The following PHYH variants were observed in gnomAD, a reference collection of about 807,000 sequenced individuals.
PHYH encodes phytanoyl-CoA dioxygenase, peroxisomal.
Under a neutral mutation model 38.5 loss-of-function variants are expected in PHYH, and 32 were observed. The observed-to-expected ratio is 0.83, with a 90% CI of 0.63 to 1.12. PHYH has a LOEUF of 1.12. Among genes scored for constraint, PHYH ranks in the 50% most tolerant of loss-of-function variants. The pLI, the probability that PHYH is intolerant of heterozygous loss-of-function variation, is 0.00. For missense variants in PHYH, 426 were observed against 434.8 expected (o/e 0.98, Z 0.18); for synonymous variants, 166 against 157.9 (o/e 1.05, Z -0.38).
At chr10:13,279,692 T>G (rs1835368412) in intron 8 of PHYH, among the ~76,000 whole-genome samples, 1 of 152,242 alleles carries the variant, frequency 6.6e-6, no homozygotes, top group Admixed American at 6.5e-5. Context: ...GAGGTTAATA[T>G]TGTTATTCTA....
At chr10:13,299,943 G>A (rs1160216084) in intron 1 of PHYH, 25 bp downstream of exon 1, 5 of 1,511,006 alleles carry the variant, frequency 3.3e-6, no homozygotes, top group Non-Finnish European at 4.4e-6. Context: ...GATCCAGCCC[G>A]AGCCCCGCGC....
chr10:13,297,369 A>G (rs1047178597), intron 2 of PHYH, among the ~76,000 whole-genome samples: 2 of 152,224 alleles, frequency 1.3e-5, no homozygotes, highest in African/African-American at 4.8e-5. Flanking sequence ...AGGAAGGTCA[A>G]GATCTTCCCC....
At chr10:13,298,329 GGCTGAGGCAGGAGGATTACTTGA>G (rs1832631785) in intron 1 of PHYH, 84 bp from the exon 2 acceptor site, 1 of 818,454 alleles carries the variant, frequency 1.2e-6, no homozygotes. Flanking sequence ...CACTTTGGGA[GGCTGAGGCAGGAGGATTACTTGA>G]GCTCAGGAGT....
chr10:13,282,587 A>G (rs1195781636), intron 7 of PHYH, among the ~76,000 whole-genome samples: 2 of 90,928 alleles, frequency 2.2e-5, no homozygotes, highest in African/African-American at 1.2e-4. Flanking sequence ...GTGAGACTCC[A>G]CCTCAAAAAA....
In PHYH at chr10:13,291,844, T is replaced by G. The variant is rs560532343; in HGVS notation, c.483A>C (p.Lys161Asn). 3 of 1,607,366 alleles carry G rather than the reference T, an allele frequency of 1.9e-6. No individual in the cohort carries two copies. The highest frequency in any genetic ancestry group is 1.7e-6 in the Non-Finnish European group (2 of 1,174,824). Residue 161 changes from lysine to asparagine, a missense_variant, in exon 5 of 9, where the codon AAA becomes AAC. Coordinates refer to ENST00000263038, the MANE Select transcript of PHYH (RefSeq NM_006214.4). ...IMAMHTMLIN[K>N]PPDSGKKTSR... ...CCTTACAATTACCAGAATCTGGAGG[T>G]TTGTTTATCAACATTGTGTGCATGG...
At chr10:13,287,946 G>A (rs1208705216) in intron 6 of PHYH, among the ~76,000 whole-genome samples, 1 of 152,148 alleles carries the variant, frequency 6.6e-6, no homozygotes. Flanking sequence ...TAGGGAGGCC[G>A]AGGTGAACAG....
rs113536899 is a variant in PHYH, at chr10:13,298,580, A to G, written c.76-335T>C. Among the ~76,000 whole-genome samples the G allele has an allele frequency of 2.2e-3, 338 of 152,144 alleles. 2 individuals carry two copies. The highest frequency in any genetic ancestry group is 7.5e-3 in the African/African-American group (310 of 41,502). ...GCCAGGCGTGGTGGCGTTCATTTGT[A>G]ATCCCAGCTACTGGAGAGGCTAAGA... On this transcript the variant is annotated intron_variant, in intron 1 of 8. Transcript: ENST00000263038.
chr10:13,289,235 G>C (rs1282906974), intron 5 of PHYH, among the ~76,000 whole-genome samples: 2 of 152,224 alleles, frequency 1.3e-5, no homozygotes, highest in Non-Finnish European at 2.9e-5. Context: ...TTGTTCTGCT[G>C]CCCAGGCTGG....
At position 13,288,369 on chromosome 10, in the gene PHYH, G is replaced by C. The variant is rs762562680; in HGVS notation, c.669C>G (p.Pro223=). 11 of 1,613,578 alleles carry C rather than the reference G, an allele frequency of 6.8e-6. No homozygotes were observed. The highest frequency in any genetic ancestry group is 1.3e-5 in the African/African-American group (1 of 74,924). Residue 223 remains proline, a synonymous_variant, in exon 6 of 9, where the codon CCC becomes CCG. Transcript: ENST00000263038. The part of the protein sequence containing the change: ...HKGSLKPHDY[P]KWEGGVNKMF... Reference sequence around the variant, plus strand: ...CGCCGGGCAGACCTACCTCCCACTTGGGGTAATCGTGGGGCTTCAGGGAGC... The same window carrying C: ...CGCCGGGCAGACCTACCTCCCACTTCGGGTAATCGTGGGGCTTCAGGGAGC...
At chr10:13,297,222 G>A (rs1364798389) in intron 2 of PHYH, among the ~76,000 whole-genome samples, 2 of 152,002 alleles carry the variant, frequency 1.3e-5, no homozygotes, top group African/African-American at 4.8e-5. Context: ...TCAATAAATT[G>A]TATATTTTTA....
chr10:13,300,046 TGCGGC>T lies in PHYH; in HGVS notation c.-9_-5del, dbSNP rs1427654916. On this transcript the variant is annotated 5_prime_UTR_variant, in exon 1 of 9. Transcript: ENST00000263038. ...CGGCGGCGCGAAGCTGCTCCATGGCTGCGGCGCGGGGAACCCCCACCCCTCCCGGC... is the reference window on the plus strand; with the variant it reads ...CGGCGGCGCGAAGCTGCTCCATGGCTGCGGGGAACCCCCACCCCTCCCGGC... The T allele has an allele frequency of 6.5e-7, 1 of 1,530,288 alleles. No homozygotes were observed. Among genetic ancestry groups the T allele is most frequent in the Non-Finnish European group, 8.7e-7 (1 of 1,143,892 alleles). 94.8% of individuals were successfully genotyped at this position (1,530,288 alleles called of 1,614,324 possible).
chr10:13,279,851 T>A (rs1195119062), intron 8 of PHYH, among the ~76,000 whole-genome samples: 1 of 152,182 alleles, frequency 6.6e-6, no homozygotes, highest in East Asian at 1.9e-4. Flanking sequence ...TGTATAGGCA[T>A]TTTAGGTACT....
intron 1 of PHYH, 121 bp from the exon 2 acceptor site, chr10:13,298,366 A>C: frequency 1.5e-6 from 1 of 656,638 alleles, no homozygotes; most frequent in Non-Finnish European, 2.8e-6. Context: ...CAGGAGTTCG[A>C]GACCAGCCTG....
intron 1 of PHYH, chr10:13,299,744 C>G: frequency 7.6e-7 from 1 of 1,308,330 alleles, no homozygotes; most frequent in Non-Finnish European, 9.7e-7. Flanking sequence ...GCGGCAATTG[C>G]CCCGACCCCA....
chr10:13,287,695 G>A (rs1207452724), intron 6 of PHYH, among the ~76,000 whole-genome samples: 1 of 152,154 alleles, frequency 6.6e-6, no homozygotes, highest in Non-Finnish European at 1.5e-5. Context: ...TCCTTTGCTG[G>A]TCTCTGCAGT....
rs1416236122 is a variant in PHYH, at chr10:13,288,531, C to T, written c.507G>A (p.Thr169=). 2.5e-6 allele frequency: 4 copies of T among 1,614,044 alleles called. No individual in the cohort carries two copies. Among genetic ancestry groups the T allele is most frequent in the South Asian group, 2.2e-5 (2 of 91,072 alleles). ...GGTCCTGGTGCAGGGGGTGACGGGACGTCTTCTTGCCTGAAAAGAAAACCT... is the reference window on the plus strand; with the variant it reads ...GGTCCTGGTGCAGGGGGTGACGGGATGTCTTCTTGCCTGAAAAGAAAACCT... ...INKPPDSGKK[T]SRHPLHQDLH... is the part of the protein sequence containing the mutation. Residue 169 remains threonine, a synonymous_variant, in exon 6 of 9, where the codon ACG becomes ACA. Coordinates refer to ENST00000263038, the MANE Select transcript of PHYH (RefSeq NM_006214.4).
intron 7 of PHYH, among the ~76,000 whole-genome samples, chr10:13,281,928 T>G (rs887086661): frequency 6.6e-6 from 1 of 152,152 alleles, no homozygotes; most frequent in Non-Finnish European, 1.5e-5. Flanking sequence ...TTTATGAAAT[T>G]ATAGTAATAT....
chr10:13,293,621 A>G (rs1370524387), intron 4 of PHYH, among the ~76,000 whole-genome samples: 3 of 151,374 alleles, frequency 2.0e-5, no homozygotes, highest in Non-Finnish European at 4.4e-5. Context: ...TCTCTTATTC[A>G]ATCTTTGTTT....
intron 8 of PHYH, among the ~76,000 whole-genome samples, chr10:13,279,999 C>T (rs1371450078): frequency 1.3e-5 from 2 of 152,156 alleles, no homozygotes; most frequent in African/African-American, 2.4e-5. Context: ...GACAGAGTCT[C>T]GCTCTGTCGC....
Sources: allele counts gnomAD v4.1 joint callset (sites outside exome capture counted in the v4.1 genomes callset), GRCh38; gene constraint gnomAD v4.1.1; transcripts MANE v1.5; gene names NCBI Gene and HGNC (gene_info 2026-07-23, HGNC 2026-07-21).